PCDH15: variants seen among roughly 807,000 people sequenced by gnomAD.
PCDH15 encodes protocadherin related 15, also known as protocadherin-15.
Under a neutral mutation model 178.5 loss-of-function variants are expected in PCDH15, and 129 were observed. The observed-to-expected ratio is 0.72, with a 90% confidence interval of 0.63 to 0.84. PCDH15 has a LOEUF of 0.84. Among genes scored for constraint, PCDH15 ranks in the 40% least tolerant of loss-of-function variants. The probability of loss-of-function intolerance (pLI) is 0.00; values close to 1 mark genes in which losing one functional copy is unlikely to be tolerated. For missense variants in PCDH15, 2,230 were observed against 2,099.9 expected (o/e 1.06, Z -1.21); for synonymous variants, 800 against 732.0 (o/e 1.09, Z -1.50).
Position 55,523,009 on chromosome 10 carries a change from A to C in PCDH15, c.-156+104616T>G, listed in dbSNP as rs1294431127. Among the ~76,000 whole-genome samples the C allele has an allele frequency of 4.6e-5, 7 of 151,828 alleles. No individual in the cohort carries two copies. The South Asian group carries it at 1.0e-3, about 22-fold the overall frequency. On this transcript the variant is annotated intron_variant, in intron 2 of 5. Transcript: ENST00000613346. Reference sequence around the variant, plus strand: ...TTTATTTGTGATTATCATGAGATTTACATAAAACATAGTTATTACAGTCTA... The same window carrying C: ...TTTATTTGTGATTATCATGAGATTTCCATAAAACATAGTTATTACAGTCTA...
At chr10:54,236,182 C>A (rs1404261501) in intron 9 of PCDH15, among the ~76,000 whole-genome samples, 2 of 152,138 alleles carry the variant, frequency 1.3e-5, no homozygotes, top group Non-Finnish European at 2.9e-5. Flanking sequence ...AGAGGCTATG[C>A]AAATCAGCAA....
chr10:53,903,614 T>A (rs558609721), intron 25 of PCDH15, among the ~76,000 whole-genome samples: 1 of 152,262 alleles, frequency 6.6e-6, no homozygotes, highest in African/African-American at 2.4e-5. Context: ...TTTACTTGAT[T>A]TAATTTGGCA....
At chr10:54,578,630 G>A (rs1003917267) in intron 2 of PCDH15, among the ~76,000 whole-genome samples, 3 of 152,134 alleles carry the variant, frequency 2.0e-5, no homozygotes, top group Non-Finnish European at 4.4e-5. Context: ...TAATAAAAAT[G>A]TGCAGCTCAT....
At chr10:54,009,416 T>C (rs766296119) in intron 20 of PCDH15, among the ~76,000 whole-genome samples, 5 of 151,660 alleles carry the variant, frequency 3.3e-5, no homozygotes, top group Non-Finnish European at 5.9e-5. Context: ...CAAGGTAGTT[T>C]AGAGGTGGAA....
At chr10:55,061,960 C>A (rs1313217489) in intron 2 of PCDH15, among the ~76,000 whole-genome samples, 2 of 152,220 alleles carry the variant, frequency 1.3e-5, no homozygotes, top group Non-Finnish European at 2.9e-5. Context: ...GGGGAGGTTG[C>A]ATTGAGCCAA....
intron 15 of PCDH15, among the ~76,000 whole-genome samples, chr10:54,108,947 G>T (rs1161779026): frequency 6.6e-6 from 1 of 152,030 alleles, no homozygotes; most frequent in Admixed American, 6.6e-5. Context: ...CCCATCAACT[G>T]ACGCAACAAA....
intron 28 of PCDH15, among the ~76,000 whole-genome samples, chr10:53,844,119 C>A (rs1485883949): frequency 2.0e-5 from 3 of 151,980 alleles, no homozygotes; most frequent in Non-Finnish European, 4.4e-5. Flanking sequence ...TATAAATGTG[C>A]TGATGTAGTA....
Position 54,195,749 on chromosome 10 carries a change from G to A in PCDH15, c.1239C>T (p.Thr413=), listed in dbSNP as rs768703592. ...AAGTCAAATTGAGACTGTCCGAAAT[G>A]GTTGCTCCCACTGGGGCAGATTCCA... ...YILESAPVGA[T]ISDSLNLTSP... Residue 413 remains threonine, a synonymous_variant, in exon 11 of 38, where the codon ACC becomes ACT. Coordinates refer to ENST00000644397, the MANE Select transcript of PCDH15 (RefSeq NM_001384140.1). 9.9e-6 allele frequency: 16 copies of A among 1,614,088 alleles called. 1 individual carries two copies. In the South Asian group the frequency reaches 1.8e-4, roughly 18 times the overall value.
chr10:53,847,216 C>T (rs78648062), intron 28 of PCDH15, among the ~76,000 whole-genome samples: 4,819 of 152,022 alleles, frequency 0.032, 247 homozygotes, highest in African/African-American at 0.11. Flanking sequence ...ATGTTGGCTA[C>T]CTGTTGTGAT....
intron 2 of PCDH15, among the ~76,000 whole-genome samples, chr10:55,359,465 G>T (rs1845167799): frequency 6.6e-6 from 1 of 151,616 alleles, no homozygotes; most frequent in African/African-American, 2.4e-5. Flanking sequence ...TGGAAAAATG[G>T]CAATTCATGT....
chr10:55,334,310 A>AT (rs200598257), intron 2 of PCDH15, among the ~76,000 whole-genome samples: 14,781 of 125,442 alleles, frequency 0.12, 1,252 homozygotes, highest in South Asian at 0.18. Flanking sequence ...ATATATATAT[A>AT]TATATTTTTT....
chr10:53,942,501 C>T (rs2086157925), intron 23 of PCDH15, among the ~76,000 whole-genome samples: 1 of 152,174 alleles, frequency 6.6e-6, no homozygotes, highest in Non-Finnish European at 1.5e-5. Flanking sequence ...GGACATACTA[C>T]ATAAGATTAT....
chr10:54,732,953 C>A (rs947594640), intron 1 of PCDH15, among the ~76,000 whole-genome samples: 1 of 151,440 alleles, frequency 6.6e-6, no homozygotes, highest in African/African-American at 2.4e-5. Flanking sequence ...AGAAGAAAAG[C>A]ATTTGATAAA....
chr10:54,662,817 A>G (rs558647871), intron 2 of PCDH15, among the ~76,000 whole-genome samples: 36 of 151,852 alleles, frequency 2.4e-4, no homozygotes, highest in African/African-American at 8.0e-4. Flanking sequence ...TTTCCAATCT[A>G]CTCCTCTGGC....
At chr10:55,350,186 AG>A (rs1844872791) in intron 2 of PCDH15, among the ~76,000 whole-genome samples, 1 of 146,818 alleles carries the variant, frequency 6.8e-6, no homozygotes, top group Admixed American at 6.9e-5. Flanking sequence ...ATTCACACAC[AG>A]GTGTGTATAT....
intron 26 of PCDH15, among the ~76,000 whole-genome samples, chr10:53,887,616 C>A (rs10825151): frequency 0.31 from 47,125 of 152,128 alleles, 9,264 homozygotes; most frequent in Middle Eastern, 0.55. Flanking sequence ...AGGTCGGGCA[C>A]GGTGGCTCAC....
chr10:55,089,524 T>C (rs1842261597), intron 2 of PCDH15, among the ~76,000 whole-genome samples: 1 of 152,136 alleles, frequency 6.6e-6, no homozygotes, highest in Non-Finnish European at 1.5e-5. Context: ...ACTGTGTGGC[T>C]CTAGAATCTT....
chr10:54,485,014 T>C (rs529504772), intron 3 of PCDH15, among the ~76,000 whole-genome samples: 4 of 152,022 alleles, frequency 2.6e-5, no homozygotes, highest in African/African-American at 9.6e-5. Flanking sequence ...GAGTGAGAAC[T>C]CTTTGTGTGA....
At chr10:54,896,704 C>A (rs529910515) in intron 3 of PCDH15, among the ~76,000 whole-genome samples, 12 of 152,144 alleles carry the variant, frequency 7.9e-5, no homozygotes, top group Admixed American at 3.9e-4. Flanking sequence ...CTTTTAGCAA[C>A]CACTCAGGCA....
Sources: gnomAD v4.1 joint callset for allele counts (sites outside exome capture counted in the v4.1 genomes callset) on GRCh38, gnomAD v4.1.1 for gene constraint, MANE v1.5 for transcripts, NCBI Gene and HGNC (gene_info 2026-07-23, HGNC 2026-07-21) for gene names.